CRYBA4: variants seen among roughly 807,000 people sequenced by gnomAD.
The protein encoded by CRYBA4 is crystallin beta A4.
In CRYBA4, 30 loss-of-function variants were observed where a neutral mutation model predicts 31.7. The ratio of observed to expected loss-of-function variants is 0.95; its 90% CI spans 0.71 to 1.28. The LOEUF (loss-of-function observed/expected upper bound fraction) is 1.28, where lower values mean the gene tolerates loss of function less well. CRYBA4 is among the 50% of genes most tolerant of loss of function. CRYBA4 has a pLI of 0.00. For synonymous variants in CRYBA4, 102 were observed against 102.3 expected (o/e 1.00, Z 0.02); for missense variants, 225 against 260.7 (o/e 0.86, Z 0.94).
the CRYBA4 span, among the ~76,000 whole-genome samples, chr22:26,597,572 G>T: frequency 6.6e-6 from 1 of 152,030 alleles, no homozygotes; most frequent in Non-Finnish European, 1.5e-5. Context: ...ATCTTTCAAG[G>T]CCCCCTTCAG....
the CRYBA4 span, among the ~76,000 whole-genome samples, chr22:26,611,458 T>G: frequency 3.7e-5 from 5 of 135,046 alleles, no homozygotes; most frequent in Non-Finnish European, 8.2e-5. Flanking sequence ...GAGTTTGTTT[T>G]TTTTTTTTTT....
chr22:26,591,374 G>C, the CRYBA4 span, among the ~76,000 whole-genome samples: 1 of 150,376 alleles, frequency 6.6e-6, no homozygotes, highest in African/African-American at 2.5e-5. Flanking sequence ...AGGAGGCTGA[G>C]ACAGGAGAAT....
At chr22:26,605,069 C>T in the CRYBA4 span, among the ~76,000 whole-genome samples, 25 of 152,156 alleles carry the variant, frequency 1.6e-4, no homozygotes, top group Admixed American at 1.6e-3. Context: ...ACACTGTTCC[C>T]TGGAAGGCTT....
chr22:26,627,426 TTTTCTTTC>T (rs1188252944), intron 4 of CRYBA4, among the ~76,000 whole-genome samples: 1 of 75,322 alleles, frequency 1.3e-5, no homozygotes, highest in African/African-American at 1.0e-4. Context: ...CTTTCTTTCT[TTTTCTTTC>T]TTTCTTTCTT....
At chr22:26,594,672 T>C in the CRYBA4 span, among the ~76,000 whole-genome samples, 1 of 152,070 alleles carries the variant, frequency 6.6e-6, no homozygotes, top group Non-Finnish European at 1.5e-5. Flanking sequence ...GCCTGGGCGA[T>C]AGAGTGAGAC....
chr22:26,596,756 G>A, the CRYBA4 span: 2 of 152,156 alleles, frequency 1.3e-5, no homozygotes, highest in Admixed American at 1.3e-4. Context: ...TTAGAATGGG[G>A]ATCCATGTGG....
chr22:26,617,143 C>T (rs1019585442), upstream of CRYBA4, among the ~76,000 whole-genome samples: 2 of 152,096 alleles, frequency 1.3e-5, no homozygotes, highest in Non-Finnish European at 2.9e-5. Flanking sequence ...GTATTTACTG[C>T]ATGTGGAGGG....
the CRYBA4 span, chr22:26,601,814 G>C: frequency 2.5e-6 from 4 of 1,608,330 alleles, no homozygotes; most frequent in Non-Finnish European, 2.5e-6. Flanking sequence ...CCTGTAAGGG[G>C]AGCAGCCTCT....
the CRYBA4 span, among the ~76,000 whole-genome samples, chr22:26,610,962 C>T: frequency 6.6e-6 from 1 of 152,274 alleles, no homozygotes; most frequent in Non-Finnish European, 1.5e-5. Context: ...GAGACAAGAG[C>T]AAACGAGCTG....
the CRYBA4 span, among the ~76,000 whole-genome samples, chr22:26,608,201 A>G: frequency 6.6e-6 from 1 of 152,204 alleles, no homozygotes; most frequent in Non-Finnish European, 1.5e-5. Context: ...CTGTGTGACT[A>G]TGGGCAAGTG....
At chr22:26,607,560 G>GT in the CRYBA4 span, among the ~76,000 whole-genome samples, 1 of 116,308 alleles carries the variant, frequency 8.6e-6, no homozygotes, top group East Asian at 2.4e-4. Context: ...CCATCTTTGG[G>GT]AAAAAAAAAA....
chr22:26,611,793 A>G, the CRYBA4 span, among the ~76,000 whole-genome samples: 4 of 152,052 alleles, frequency 2.6e-5, no homozygotes, highest in African/African-American at 7.2e-5. Context: ...TTTTTGCTAT[A>G]GTAGAAGCAG....
chr22:26,623,270 C>T lies in CRYBA4; in HGVS notation c.76C>T (p.Arg26Trp), dbSNP rs150427830. Reference protein sequence around the residue: ...VWDEDGFQGRRHEFTAECPSV... With the variant: ...VWDEDGFQGRWHEFTAECPSV... ...GGATGAGGACGGCTTCCAGGGCCGG[C>T]GGCACGAGTTCACGGCCGAGTGCCC... Residue 26 changes from arginine (R) to tryptophan (W), a missense_variant, in exon 3 of 6, where the codon CGG (arginine) becomes TGG (tryptophan). By Grantham distance (101) the Arg-to-Trp change is moderately radical (BLOSUM62 -3). Coordinates refer to ENST00000354760, the MANE Select transcript of CRYBA4 (RefSeq NM_001886.3). 20 of 1,613,604 alleles carry T rather than the reference C, an allele frequency of 1.2e-5. No individual in the cohort carries two copies. The highest frequency in any genetic ancestry group is 5.0e-5 in the Admixed American group (3 of 59,990).
Position 26,625,637 on chromosome 22 carries a change from T to A in CRYBA4, c.300+15T>A. On this transcript the variant is annotated intron_variant, in intron 4 of 5. Coordinates refer to ENST00000354760, the MANE Select transcript of CRYBA4 (RefSeq NM_001886.3). ...CGGCCTGTGCTGTAAGTTCTACCAC[T>A]GCTGCATCCCGGGGAGGCCCAAGCC... The A allele has an allele frequency of 6.2e-7, 1 of 1,613,158 alleles. No individual in the cohort carries two copies. Among genetic ancestry groups the A allele is most frequent in the Non-Finnish European group, 8.5e-7 (1 of 1,179,640 alleles).
the CRYBA4 span, chr22:26,616,047 G>A: frequency 3.0e-6 from 3 of 988,552 alleles, no homozygotes; most frequent in African/African-American, 4.8e-5. Flanking sequence ...AGGAGTAAGA[G>A]GTGAAAGAGG....
the CRYBA4 span, among the ~76,000 whole-genome samples, chr22:26,598,438 A>G: frequency 2.0e-4 from 30 of 151,728 alleles, no homozygotes; most frequent in Non-Finnish European, 1.2e-4. Flanking sequence ...GTCCAGTGGC[A>G]TGATCACGAC....
chr22:26,627,122 T>C (rs1929724634), intron 4 of CRYBA4, among the ~76,000 whole-genome samples: 1 of 152,160 alleles, frequency 6.6e-6, no homozygotes, highest in Admixed American at 6.5e-5. Flanking sequence ...TTCCCAGCAG[T>C]TTGCAACTCC....
chr22:26,603,853 G>A, the CRYBA4 span, among the ~76,000 whole-genome samples: 5 of 152,072 alleles, frequency 3.3e-5, no homozygotes, highest in African/African-American at 1.2e-4. Flanking sequence ...GAACCTGGGA[G>A]GCAGAGGTTG....
the CRYBA4 span, among the ~76,000 whole-genome samples, chr22:26,612,545 A>G: frequency 1.3e-5 from 2 of 152,016 alleles, no homozygotes; most frequent in African/African-American, 4.8e-5. Context: ...TAGAGACAGG[A>G]TTTTGCCATG....
Sources: allele counts gnomAD v4.1 joint callset (sites outside exome capture counted in the v4.1 genomes callset), GRCh38; gene constraint gnomAD v4.1.1; transcripts MANE v1.5; gene names NCBI Gene and HGNC (gene_info 2026-07-23, HGNC 2026-07-21).